REL: variants seen among roughly 807,000 people sequenced by gnomAD.
The protein encoded by REL is proto-oncogene c-Rel.
REL carries 15 observed loss-of-function variants against 45.9 expected under a neutral mutation model. The observed-to-expected ratio is 0.33, with a 90% CI of 0.22 to 0.50. The LOEUF (loss-of-function observed/expected upper bound fraction) is 0.50, where lower values mean the gene tolerates loss of function less well. Among genes scored for constraint, REL ranks in the 20% least tolerant of loss-of-function variants. REL has a pLI of 0.98. For synonymous variants in REL, 239 were observed against 242.1 expected, an observed-to-expected ratio of 0.99 and a Z score of 0.12; for missense variants, 601 against 715.2, an observed-to-expected ratio of 0.84 and a Z score of 1.82.
chr2:60,915,169 G>C (rs1440578703), intron 4 of REL, among the ~76,000 whole-genome samples: 2 of 151,936 alleles, frequency 1.3e-5, no homozygotes, highest in Non-Finnish European at 2.9e-5. Flanking sequence ...TTCCATTGTA[G>C]GTCTATACCA....
Position 60,921,455 on chromosome 2 carries a change from CA to C in REL, c.992-303del, listed in dbSNP as rs372770259. On this transcript the variant is annotated intron_variant, in intron 9 of 9. Transcript: ENST00000394479. The stretch of plus-strand genomic sequence containing the variant: ...ATTCTAATATTTATCTTTTAGTTTT[CA>C]AAAATACCTTTATAGAGCCTCAGAA... Among the ~76,000 whole-genome samples, 41 of 152,040 alleles carry C rather than the reference CA, an allele frequency of 2.7e-4. 1 individual carries two copies. In the East Asian group the frequency reaches 5.4e-3, roughly 20 times the overall value.
chr2:60,909,223 C>T (rs543279506), intron 4 of REL, among the ~76,000 whole-genome samples: 1 of 152,224 alleles, frequency 6.6e-6, no homozygotes, highest in East Asian at 1.9e-4. Context: ...TAACACTTTA[C>T]TATGGTAGCA....
chr2:60,916,725 G>A, intron 4 of REL, 152 bp from the exon 5 acceptor site: 1 of 473,372 alleles, frequency 2.1e-6, no homozygotes, highest in Non-Finnish European at 3.7e-6. Flanking sequence ...AATGATAAAA[G>A]GCATTCTTGA....
chr2:60,897,863 T>TAA (rs11300349), intron 3 of REL, among the ~76,000 whole-genome samples: 3 of 136,278 alleles, frequency 2.2e-5, no homozygotes, highest in Non-Finnish European at 3.2e-5. Flanking sequence ...TGTATCTCTT[T>TAA]AAAAAAAAAA....
chr2:60,895,518 A>T (rs1277366452), intron 3 of REL, among the ~76,000 whole-genome samples: 1 of 152,198 alleles, frequency 6.6e-6, no homozygotes, highest in Non-Finnish European at 1.5e-5. Context: ...GGATGTGAGA[A>T]AAATCAACTG....
At chr2:60,888,948 G>A (rs1337217142) in intron 1 of REL, among the ~76,000 whole-genome samples, 4 of 152,152 alleles carry the variant, frequency 2.6e-5, no homozygotes, top group South Asian at 4.1e-4. Flanking sequence ...TCTCTAAACT[G>A]ATGACATTGC....
chr2:60,922,399 T>C lies in REL; in HGVS notation c.1628T>C (p.Ile543Thr). 2 of 1,614,132 alleles carry C rather than the reference T, an allele frequency of 1.2e-6. No individual in the cohort carries two copies. Among genetic ancestry groups the C allele is most frequent in the Non-Finnish European group, 1.7e-6 (2 of 1,180,008 alleles). Residue 543 changes from isoleucine (I) to threonine (T), a missense_variant, in exon 10 of 10, where the codon ATA (isoleucine) becomes ACA (threonine). Ile to Thr is a moderately conservative substitution (Grantham distance 89). Around this residue, in one of 4 missense-constraint regions of REL, gnomAD observed 334 missense variants for 333.1 expected, o/e 1.00. Coordinates refer to ENST00000394479, the MANE Select transcript of REL (RefSeq NM_001291746.2). ...TTCAGTTGTGCAGATAACAGCATGA[T>C]AAATGAGTCGGGACCATCAAACAGT... Reference protein sequence around the residue: ...SDFSCADNSMINESGPSNSTN... With the variant: ...SDFSCADNSMTNESGPSNSTN...
intron 3 of REL, among the ~76,000 whole-genome samples, chr2:60,897,552 C>T (rs1019072315): frequency 6.6e-6 from 1 of 152,026 alleles, no homozygotes; most frequent in African/African-American, 2.4e-5. Context: ...AGGTGATCCT[C>T]CTGCCTCAGC....
intron 1 of REL, among the ~76,000 whole-genome samples, 169 bp from the exon 2 acceptor site, chr2:60,891,514 G>T (rs989242758): frequency 9.2e-5 from 14 of 152,002 alleles, no homozygotes; most frequent in Admixed American, 8.5e-4. Flanking sequence ...GGAAAAAAAG[G>T]TGCCTCTCCC....
chr2:60,889,503 G>A (rs931507039), intron 1 of REL, among the ~76,000 whole-genome samples: 1 of 151,926 alleles, frequency 6.6e-6, no homozygotes, highest in Non-Finnish European at 1.5e-5. Context: ...TAGGGTACAT[G>A]TACACATCGT....
chr2:60,888,217 C>A (rs1348629735), intron 1 of REL, among the ~76,000 whole-genome samples: 2 of 152,132 alleles, frequency 1.3e-5, no homozygotes, highest in African/African-American at 4.8e-5. Context: ...GTATGAGCCA[C>A]CATGCCCAGC....
chr2:60,916,650 G>A (rs1346119678), intron 4 of REL, among the ~76,000 whole-genome samples: 1 of 152,134 alleles, frequency 6.6e-6, no homozygotes, highest in Non-Finnish European at 1.5e-5. Context: ...CAGGTGAGGG[G>A]ATAGTTACTT....
chr2:60,898,839 G>A (rs1417761469), intron 3 of REL: 2 of 152,216 alleles, frequency 1.3e-5, no homozygotes, highest in Non-Finnish European at 2.9e-5. Context: ...AGCTTCTTGA[G>A]GAAAGGGATT....
Position 60,894,383 on chromosome 2 carries a change from C to G in REL, c.154-14C>G. On this transcript the variant is annotated splice_polypyrimidine_tract_variant and intron_variant, in intron 2 of 9. Coordinates refer to ENST00000394479, the MANE Select transcript of REL (RefSeq NM_001291746.2). ...TCTATTTGGATCATGTATTTAATTTCCCCCTTTTTTCAGATTATGAACTAT... is the reference window on the plus strand; with the variant it reads ...TCTATTTGGATCATGTATTTAATTTGCCCCTTTTTTCAGATTATGAACTAT... 2 of 1,430,492 alleles carry G rather than the reference C, an allele frequency of 1.4e-6. No homozygotes were observed. The highest frequency in any genetic ancestry group is 9.5e-7 in the Non-Finnish European group (1 of 1,056,134). The allele number at this position is 1,430,492 out of a possible 1,614,324, so 88.6% of individuals were successfully genotyped here.
chr2:60,912,463 C>A (rs570933758), intron 4 of REL, among the ~76,000 whole-genome samples: 4 of 151,960 alleles, frequency 2.6e-5, no homozygotes, highest in African/African-American at 7.2e-5. Context: ...GGTGTTGTTT[C>A]GCTTGAAGTT....
At chr2:60,892,045 AGTTCTAT>A (rs1673228625) in intron 2 of REL, among the ~76,000 whole-genome samples, 1 of 152,214 alleles carries the variant, frequency 6.6e-6, no homozygotes, top group South Asian at 2.1e-4. Flanking sequence ...CACTGCAGAT[AGTTCTAT>A]GGTGCTTGTG....
In REL at chr2:60,924,553, G is replaced by A. The variant is rs1212327023; in HGVS notation, c.*2018G>A. ...AATGGTCATCCAAATTGTTTGAAAG[G>A]AAAATAATCCCAGTGGCAAAATGAT... On this transcript the variant is annotated 3_prime_UTR_variant, in exon 10 of 10. Coordinates refer to ENST00000394479, the MANE Select transcript of REL (RefSeq NM_001291746.2). 4.6e-6 allele frequency: 1 copy of A among 215,140 alleles called. No individual in the cohort carries two copies. The highest frequency in any genetic ancestry group is 9.4e-6 in the Non-Finnish European group (1 of 106,808). The allele number at this position is 215,140 out of a possible 1,614,324, so 13.3% of individuals were successfully genotyped here.
chr2:60,929,639 GGA>G lies in REL; in HGVS notation c.*7105_*7106del, dbSNP rs1438997751. 2.1e-5 allele frequency: 3 copies of G among 142,860 alleles called. No individual in the cohort carries two copies. Among genetic ancestry groups the G allele is most frequent in the African/African-American group, 2.6e-5 (1 of 38,342 alleles). The allele number at this position is 142,860 out of a possible 1,614,324, so 8.8% of individuals were successfully genotyped here. ...TGAACAATGAGAACACATGGACACA[GGA>G]AGGGGAATATCACACTGGGGACTGT... On this transcript the variant is annotated 3_prime_UTR_variant, in exon 10 of 10. Coordinates refer to ENST00000394479, the MANE Select transcript of REL (RefSeq NM_001291746.2).
chr2:60,929,482 T>G lies in REL; in HGVS notation c.*6947T>G, dbSNP rs1251954156. 2 of 150,604 alleles carry G rather than the reference T, an allele frequency of 1.3e-5. No homozygotes were observed. Among genetic ancestry groups the G allele is most frequent in the Non-Finnish European group, 3.0e-5 (2 of 67,734 alleles). The allele number at this position is 150,604 out of a possible 1,614,324, so 9.3% of individuals were successfully genotyped here. ...GTGGCACATATACACCATGGAATAC[T>G]ATGCAGCCATAAAAAATGATGAATT... On this transcript the variant is annotated 3_prime_UTR_variant, in exon 10 of 10. Transcript: ENST00000394479.
Sources: gnomAD v4.1 joint callset for allele counts (sites outside exome capture counted in the v4.1 genomes callset) on GRCh38, gnomAD v4.1.1 for gene constraint, gnomAD v4.1.1 regional missense constraint, MANE v1.5 for transcripts, NCBI Gene and HGNC (gene_info 2026-07-23, HGNC 2026-07-21) for gene names.